Variants in RRM2 observed in about 807,000 individuals in gnomAD.
RRM2 encodes the protein ribonucleotide reductase regulatory subunit M2.
In RRM2, 6 loss-of-function variants were observed where a neutral mutation model predicts 45.9. The observed-to-expected ratio is 0.13, with a 90% confidence interval of 0.07 to 0.26. The LOEUF is 0.26. Among genes scored for constraint, RRM2 ranks in the 10% least tolerant of loss-of-function variants. RRM2 has a pLI of 1.00. For synonymous variants in RRM2, 177 were observed against 173.0 expected (o/e 1.02, Z -0.18); for missense variants, 343 against 489.5 (o/e 0.70, Z 2.82).
intron 3 of RRM2, among the ~76,000 whole-genome samples, chr2:10,154,891 T>C (rs1663394765): frequency 6.6e-6 from 1 of 151,904 alleles, no homozygotes; most frequent in Admixed American, 6.6e-5. Context: ...AGACGTGGTT[T>C]CTCCATGTTG....
chr2:10,206,100 G>A (rs1032029452), intron 3 of RRM2, among the ~76,000 whole-genome samples: 3 of 152,004 alleles, frequency 2.0e-5, no homozygotes, highest in Non-Finnish European at 4.4e-5. Context: ...CAAAAAATTA[G>A]CCAGGCATGG....
chr2:10,124,351 C>T (rs952488809), intron 4 of RRM2, among the ~76,000 whole-genome samples: 1 of 152,152 alleles, frequency 6.6e-6, no homozygotes, highest in Non-Finnish European at 1.5e-5. Context: ...GGTGATCCAC[C>T]CACCTTGGCC....
intron 5 of RRM2, 197 bp from the exon 6 acceptor site, chr2:10,126,678 G>A (rs942491899): frequency 1.7e-6 from 1 of 590,010 alleles, no homozygotes; most frequent in Non-Finnish European, 3.0e-6. Context: ...TAAATCAAGT[G>A]TTGAGGTTTT....
intron 3 of RRM2, among the ~76,000 whole-genome samples, chr2:10,178,203 G>A (rs1167970913): frequency 6.8e-6 from 1 of 147,642 alleles, no homozygotes; most frequent in Non-Finnish European, 1.5e-5. Flanking sequence ...TGGGATTACA[G>A]GCGTGAGCCA....
upstream of RRM2, among the ~76,000 whole-genome samples, chr2:10,138,131 G>T (rs1312281602): frequency 6.6e-6 from 1 of 151,864 alleles, no homozygotes; most frequent in African/African-American, 2.4e-5. Flanking sequence ...CTCCTGAGCA[G>T]CTGGAATTAC....
At chr2:10,149,640 G>A (rs1663266334) in intron 3 of RRM2, among the ~76,000 whole-genome samples, 1 of 152,148 alleles carries the variant, frequency 6.6e-6, no homozygotes, top group African/African-American at 2.4e-5. Flanking sequence ...GGCAAGGTAA[G>A]TTTTTCTTCA....
chr2:10,195,949 G>C lies in RRM2; in HGVS notation n.483-14362G>C, dbSNP rs1201861727. 6.6e-6 allele frequency among the ~76,000 whole-genome samples: 1 copy of C among 152,244 alleles called. No individual in the cohort carries two copies. The highest frequency in any genetic ancestry group is 1.9e-4 in the East Asian group (1 of 5,196). On this transcript the variant is annotated intron_variant and non_coding_transcript_variant, in intron 3 of 3. Transcript: ENST00000381786. The surrounding 1 kb of genome is among the most constrained non-coding windows in gnomAD (Gnocchi z 4.9). The stretch of plus-strand genomic sequence containing the variant: ...TCCAGTGTTGAACACAGTCATGCTA[G>C]AAATGGTGCCTGGTGCAGCTGCAGC...
intron 3 of RRM2, among the ~76,000 whole-genome samples, chr2:10,201,040 C>T (rs1335046318): frequency 1.3e-5 from 2 of 151,412 alleles, no homozygotes; most frequent in Non-Finnish European, 2.9e-5. Context: ...CCCAGCTACT[C>T]GGGAGGCTGA....
chr2:10,184,123 A>G (rs1388044945), intron 3 of RRM2, among the ~76,000 whole-genome samples: 7 of 141,388 alleles, frequency 5.0e-5, no homozygotes, highest in Middle Eastern at 3.6e-3. Context: ...AAAAAAAAGC[A>G]AAAAAGCAGG....
At chr2:10,133,282 G>A (rs1572492841), downstream of RRM2, among the ~76,000 whole-genome samples, 1 of 152,252 alleles carries the variant, frequency 6.6e-6, no homozygotes, top group African/African-American at 2.4e-5. Context: ...ACTTCATTGT[G>A]TGTGCACATT....
chr2:10,210,022 C>T (rs1463176557), intron 3 of RRM2, among the ~76,000 whole-genome samples: 1 of 152,196 alleles, frequency 6.6e-6, no homozygotes, highest in Non-Finnish European at 1.5e-5. Flanking sequence ...AGTCCTTCTC[C>T]AGACTTCCTG....
At chr2:10,210,189 G>A (rs1045781663) in intron 3 of RRM2, 3 of 500,680 alleles carry the variant, frequency 6.0e-6, no homozygotes, top group East Asian at 6.0e-5. Context: ...CTCCTTGTGG[G>A]CAGGAACCAG....
Position 10,164,727 on chromosome 2 carries a change from C to A in RRM2, n.482+22352C>A, listed in dbSNP as rs373942953. 1.2e-4 allele frequency among the ~76,000 whole-genome samples: 19 copies of A among 152,334 alleles called. No homozygotes were observed. The East Asian group carries it at 3.5e-3, about 28-fold the overall frequency. On this transcript the variant is annotated intron_variant and non_coding_transcript_variant, in intron 3 of 3. Transcript: ENST00000381786. ...ATCCAACCCTGGGGACCACCCATTTCCTATCTGGGCGGCCAGGGCCCTGCA... is the reference window on the plus strand; with the variant it reads ...ATCCAACCCTGGGGACCACCCATTTACTATCTGGGCGGCCAGGGCCCTGCA...
At chr2:10,123,675 G>A in intron 3 of RRM2, 61 bp from the exon 4 acceptor site, 1 of 1,394,466 alleles carries the variant, frequency 7.2e-7, no homozygotes, top group Non-Finnish European at 1.0e-6. Flanking sequence ...AGTGCTCAGT[G>A]TGAGTCCTGT....
chr2:10,175,345 G>T (rs1284542442), intron 3 of RRM2, among the ~76,000 whole-genome samples: 1 of 152,164 alleles, frequency 6.6e-6, no homozygotes, highest in African/African-American at 2.4e-5. Context: ...GTGTCTGGCT[G>T]TTTTTTCCCC....
intron 3 of RRM2, among the ~76,000 whole-genome samples, chr2:10,144,877 C>T (rs1325201054): frequency 3.3e-5 from 5 of 151,986 alleles, no homozygotes; most frequent in African/African-American, 4.8e-5. Context: ...GGGGGAAGGG[C>T]GGGGAGGCAT....
intron 3 of RRM2, among the ~76,000 whole-genome samples, chr2:10,153,919 T>C (rs1389933953): frequency 6.6e-6 from 1 of 151,774 alleles, no homozygotes; most frequent in East Asian, 1.9e-4. Flanking sequence ...ACAGGTAGAG[T>C]TTCTGTTTGG....
At chr2:10,201,504 G>A (rs891806284) in intron 3 of RRM2, among the ~76,000 whole-genome samples, 3 of 152,184 alleles carry the variant, frequency 2.0e-5, no homozygotes, top group South Asian at 2.1e-4. Flanking sequence ...AGTCCTGAAC[G>A]TCCTTCCTCT....
chr2:10,136,409 CTG>C (rs1261433088), downstream of RRM2, among the ~76,000 whole-genome samples: 4 of 152,166 alleles, frequency 2.6e-5, no homozygotes, highest in Admixed American at 2.6e-4. Flanking sequence ...AAGATGGAAT[CTG>C]TGTTGGGTGT....
Sources: allele counts gnomAD v4.1 joint callset (sites outside exome capture counted in the v4.1 genomes callset), GRCh38; gene constraint gnomAD v4.1.1; non-coding constraint Gnocchi (gnomAD v3.1); transcripts MANE v1.5; gene names NCBI Gene and HGNC (gene_info 2026-07-23, HGNC 2026-07-21).